FNIP2: variants seen among roughly 807,000 people sequenced by gnomAD.
FNIP2 encodes folliculin-interacting protein 2.
A neutral mutation model predicts 108.7 loss-of-function variants in FNIP2; 32 were observed. That is an observed-to-expected ratio of 0.29 (90% CI 0.22 to 0.40). FNIP2 has a LOEUF of 0.40. Among genes scored for constraint, FNIP2 ranks in the 10% least tolerant of loss-of-function variants. The pLI, the probability that FNIP2 is intolerant of heterozygous loss-of-function variation, is 1.00. For missense variants in FNIP2, 1,202 were observed against 1,381.6 expected (o/e 0.87, Z 2.06); for synonymous variants, 480 against 496.7 (o/e 0.97, Z 0.45).
At chr4:158,857,986 A>G (rs573555198) in intron 8 of FNIP2, among the ~76,000 whole-genome samples, 1 of 152,276 alleles carries the variant, frequency 6.6e-6, no homozygotes, top group African/African-American at 2.4e-5. Context: ...TTTCCTGACC[A>G]TAACACTTTT....
At chr4:158,852,024 G>A (rs1387808869) in intron 8 of FNIP2, among the ~76,000 whole-genome samples, 1 of 152,112 alleles carries the variant, frequency 6.6e-6, no homozygotes, top group African/African-American at 2.4e-5. Flanking sequence ...CCAAATACTT[G>A]AAGTGGAATT....
Position 158,868,152 on chromosome 4 carries a change from G to A in FNIP2, c.1516G>A (p.Val506Met). ...TCCAGTGAGACTGACTCGCACCGTAGTGGTAGGGAAGCAGAAGGACTTAGT... is the reference window on the plus strand; with the variant it reads ...TCCAGTGAGACTGACTCGCACCGTAATGGTAGGGAAGCAGAAGGACTTAGT... ...GSPVRLTRTV[V>M]VGKQKDLVQR... The change falls in exon 13 of 17, where the codon GTG (valine) becomes ATG (methionine). Residue 506 changes from valine (V) to methionine (M), a missense_variant. By Grantham distance (21) the Val-to-Met change is conservative (BLOSUM62 1). Coordinates refer to ENST00000264433, the MANE Select transcript of FNIP2 (RefSeq NM_020840.3). The surrounding 1 kb of genome is among the most constrained non-coding windows in gnomAD (Gnocchi z 4.6). The A allele has an allele frequency of 6.2e-7, 1 of 1,614,066 alleles. No individual in the cohort carries two copies. The highest frequency in any genetic ancestry group is 1.3e-5 in the African/African-American group (1 of 75,068).
At chr4:158,794,925 T>C (rs914617032) in intron 1 of FNIP2, among the ~76,000 whole-genome samples, 1 of 152,220 alleles carries the variant, frequency 6.6e-6, no homozygotes, top group Non-Finnish European at 1.5e-5. Context: ...AATGTATCCC[T>C]TATAAATAAA....
intron 14 of FNIP2, among the ~76,000 whole-genome samples, chr4:158,882,343 C>CCCCCGTCCGGCCAGCCG (rs946359902): frequency 1.1e-4 from 17 of 151,622 alleles, no homozygotes; most frequent in Middle Eastern, 3.4e-3. Context: ...TGAGGGGCAG[C>CCCCCGTCCGGCCAGCCG]CCCCGTCCGG....
chr4:158,781,706 G>A (rs1304635520), intron 1 of FNIP2, among the ~76,000 whole-genome samples: 4 of 151,940 alleles, frequency 2.6e-5, no homozygotes, highest in Non-Finnish European at 4.4e-5. Context: ...TGGTAGAGAC[G>A]GGGTTTCAGC....
chr4:158,824,017 C>T (rs13103926), intron 1 of FNIP2, among the ~76,000 whole-genome samples: 45,714 of 152,014 alleles, frequency 0.3, 7,514 homozygotes, highest in Non-Finnish European at 0.38. Context: ...TATGTTTTGC[C>T]GTAGGGATTT....
rs1279976486 is a variant in FNIP2, at chr4:158,904,954, G to A, written c.*410G>A. ...AAACTGCTTCCAAGTTTAAGCATGA[G>A]CTCCCCAAACTGGAGAAAACATATT... On this transcript the variant is annotated 3_prime_UTR_variant, in exon 17 of 17. Coordinates refer to ENST00000264433, the MANE Select transcript of FNIP2 (RefSeq NM_020840.3). 6.3e-6 allele frequency: 1 copy of A among 157,886 alleles called. No homozygotes were observed. Among genetic ancestry groups the A allele is most frequent in the African/African-American group, 2.4e-5 (1 of 41,622 alleles). 9.8% of individuals were successfully genotyped at this position (157,886 alleles called of 1,614,324 possible). A position where few individuals can be genotyped will look rare whatever the true frequency, so the allele number is the denominator to read the frequency against.
chr4:158,894,633 A>G (rs1782521787), intron 15 of FNIP2, among the ~76,000 whole-genome samples: 1 of 152,164 alleles, frequency 6.6e-6, no homozygotes. Context: ...ATTATTTTTA[A>G]TATTTTGTGA....
chr4:158,882,244 A>G (rs1430037112), intron 14 of FNIP2, among the ~76,000 whole-genome samples: 6 of 139,704 alleles, frequency 4.3e-5, no homozygotes, highest in South Asian at 2.3e-4. Context: ...GCCCCGTCTG[A>G]GAAGTGAGGA....
At chr4:158,807,291 A>C (rs1728328175) in intron 1 of FNIP2, among the ~76,000 whole-genome samples, 1 of 152,146 alleles carries the variant, frequency 6.6e-6, no homozygotes, top group African/African-American at 2.4e-5. Flanking sequence ...TGAGCCTAGG[A>C]GTTCAAGACT....
chr4:158,835,395 T>G lies in FNIP2; in HGVS notation c.656-10T>G, dbSNP rs138907081. 7 of 1,611,358 alleles carry G rather than the reference T, an allele frequency of 4.3e-6. No individual in the cohort carries two copies. In the East Asian group the frequency reaches 8.9e-5, roughly 21 times the overall value. On this transcript the variant is annotated splice_polypyrimidine_tract_variant and intron_variant, in intron 6 of 16. Transcript: ENST00000264433. ...CCCAATAACATGGTTTTCTTGTTCC[T>G]TTATCTTAGCACACAGCACACCAGT...
chr4:158,858,141 A>G (rs1298705195), intron 8 of FNIP2, among the ~76,000 whole-genome samples: 1 of 152,220 alleles, frequency 6.6e-6, no homozygotes, highest in Admixed American at 6.5e-5. Context: ...TTATGTTGTA[A>G]TTTATAGTAA....
rs1729872890 is a variant in FNIP2, at chr4:158,906,725, TG to T, written c.*2182del. ...GCCTACAAAAATAGACCAAGAATGTTGCTGCTCTTTTATAATCCTTTAAATA... is the reference window on the plus strand; with the variant it reads ...GCCTACAAAAATAGACCAAGAATGTTCTGCTCTTTTATAATCCTTTAAATA... On this transcript the variant is annotated 3_prime_UTR_variant, in exon 17 of 17. Coordinates refer to ENST00000264433, the MANE Select transcript of FNIP2 (RefSeq NM_020840.3). The T allele has an allele frequency of 6.6e-6, 1 of 152,176 alleles. No homozygotes were observed. Among genetic ancestry groups the T allele is most frequent in the East Asian group, 1.9e-4 (1 of 5,196 alleles). 9.4% of individuals were successfully genotyped at this position (152,176 alleles called of 1,614,324 possible).
intron 16 of FNIP2, 56 bp downstream of exon 16, chr4:158,895,921 A>G: frequency 7.7e-7 from 1 of 1,293,944 alleles, no homozygotes. Context: ...CTAGCATTGT[A>G]CCCACTAACG....
Position 158,769,322 on chromosome 4 carries a change from G to T in FNIP2, c.107+3G>T. The T allele has an allele frequency of 6.7e-7, 1 of 1,488,198 alleles. No individual in the cohort carries two copies. Among genetic ancestry groups the T allele is most frequent in the Non-Finnish European group, 8.9e-7 (1 of 1,119,506 alleles). 92.2% of individuals were successfully genotyped at this position (1,488,198 alleles called of 1,614,324 possible). A position where few individuals can be genotyped will look rare whatever the true frequency, so the allele number is the denominator to read the frequency against. ...CCTAAGGAAGGACCCGCCTTTAGGT[G>T]AGGGGGCGCCGGGGGGCAATTCTGG... On this transcript the variant is annotated splice_donor_region_variant and intron_variant, in intron 1 of 16. Transcript: ENST00000264433.
chr4:158,841,328 C>T (rs1382028822), intron 7 of FNIP2, among the ~76,000 whole-genome samples: 1 of 152,222 alleles, frequency 6.6e-6, no homozygotes, highest in East Asian at 1.9e-4. Context: ...GGGCTTTCCT[C>T]ATCAGTTTGC....
chr4:158,869,419 C>T lies in FNIP2; in HGVS notation c.2783C>T (p.Pro928Leu), dbSNP rs1412982097. The change falls in exon 13 of 17, where the codon CCT (proline) becomes CTT (leucine). Residue 928 changes from proline to leucine, a missense_variant. Pro to Leu is a moderately conservative substitution (Grantham distance 98, BLOSUM62 -3). Transcript: ENST00000264433. ...GGAGGGTCCTTGGAAGTGGAGCTGC[C>T]TCTGCCAAGGTAACTCCAGCAGGCT... ...RTGGSLEVEL[P>L]LPRSQSISTQ... is the part of the protein sequence containing the mutation. 1 of 1,598,612 alleles carries T rather than the reference C, an allele frequency of 6.3e-7. No homozygotes were observed.
intron 13 of FNIP2, 95 bp downstream of exon 13, chr4:158,869,523 GCTTTA>G (rs1437514365): frequency 2.1e-6 from 3 of 1,403,362 alleles, no homozygotes; most frequent in Non-Finnish European, 2.8e-6. Flanking sequence ...ACTATTGTCT[GCTTTA>G]CACACAGTAT....
At chr4:158,778,938 G>A (rs1032075856) in intron 1 of FNIP2, among the ~76,000 whole-genome samples, 3 of 152,186 alleles carry the variant, frequency 2.0e-5, no homozygotes, top group Non-Finnish European at 2.9e-5. Context: ...CTGCCAAACC[G>A]CACTCCAGAG....
Sources: gnomAD v4.1 joint callset for allele counts (sites outside exome capture counted in the v4.1 genomes callset) on GRCh38, gnomAD v4.1.1 for gene constraint, Gnocchi (gnomAD v3.1) non-coding constraint, MANE v1.5 for transcripts, NCBI Gene and HGNC (gene_info 2026-07-23, HGNC 2026-07-21) for gene names.